The following MT1X variants were observed in gnomAD, a reference collection of about 807,000 sequenced individuals.
MT1X encodes metallothionein 1X.
MT1X carries 7 observed loss-of-function variants against 8.6 expected under a neutral mutation model. The ratio of observed to expected loss-of-function variants is 0.81; its 90% CI spans 0.46 to 1.52. The LOEUF is 1.52. MT1X is among the 40% of genes most tolerant of loss of function. The probability of loss-of-function intolerance (pLI) is 0.01; values close to 1 mark genes in which losing one functional copy is unlikely to be tolerated. For missense variants in MT1X, 72 were observed against 74.3 expected, an observed-to-expected ratio of 0.97 and a Z score of 0.11; for synonymous variants, 25 against 27.6, an observed-to-expected ratio of 0.91 and a Z score of 0.30.
At chr16:56,682,681 AT>A (rs1443060401) in intron 1 of MT1X, 113 bp downstream of exon 1, 1 of 1,315,198 alleles carries the variant, frequency 7.6e-7, no homozygotes, top group African/African-American at 1.5e-5. Flanking sequence ...GGGCTCCTTT[AT>A]TTCGTTAGGT....
chr16:56,682,631 C>T (rs1702305486), intron 1 of MT1X, 63 bp downstream of exon 1: 5 of 1,598,162 alleles, frequency 3.1e-6, no homozygotes, highest in Admixed American at 3.4e-5. Flanking sequence ...CAGACTCTTC[C>T]TGGGTTTGAA....
rs1320114446 is a variant in MT1X at position 56,683,241 on chromosome 16, G to T, written c.94+11G>T. On this transcript the variant is annotated intron_variant, in intron 2 of 2. Coordinates refer to ENST00000394485, the MANE Select transcript of MT1X (RefSeq NM_005952.4). ...CCTCCTGCAAGAAGAGTGAGTGCAGGGCCTTCCCTGCGAATCTGGGGGATG... is the reference window on the plus strand; with the variant it reads ...CCTCCTGCAAGAAGAGTGAGTGCAGTGCCTTCCCTGCGAATCTGGGGGATG... 6.2e-6 allele frequency: 10 copies of T among 1,613,658 alleles called. No homozygotes were observed. In the Admixed American group the frequency reaches 1.0e-4, roughly 16 times the overall value.
Position 56,684,019 on chromosome 16 carries a change from G to T in MT1X, c.156G>T (p.Gly52=). The part of the protein sequence containing the change: ...AKCAQGCICK[G]TSDKCSCCA ...GTGCCCAGGGCTGCATCTGCAAAGGGACGTCAGACAAGTGCAGCTGCTGTG... is the reference window on the plus strand; with the variant it reads ...GTGCCCAGGGCTGCATCTGCAAAGGTACGTCAGACAAGTGCAGCTGCTGTG... Residue 52 remains glycine (G), a synonymous_variant, in exon 3 of 3, where the codon GGG becomes GGT. Transcript: ENST00000394485. The T allele has an allele frequency of 6.2e-7, 1 of 1,614,168 alleles. No homozygotes were observed. The highest frequency in any genetic ancestry group is 8.5e-7 in the Non-Finnish European group (1 of 1,180,012).
chr16:56,682,871 G>T, intron 1 of MT1X: 1 of 591,306 alleles, frequency 1.7e-6, no homozygotes, highest in South Asian at 2.1e-5. Flanking sequence ...ATGGGAAGTG[G>T]GGGGCCATTG....
In MT1X at chr16:56,682,485, T is replaced by C; in HGVS notation, c.-56T>C. ...TCTGGGCTCCACCACGCTTTTCATC[T>C]GTCCCGCTGCGTGTTTTCCTCTTGA... On this transcript the variant is annotated 5_prime_UTR_variant, in exon 1 of 3. Coordinates refer to ENST00000394485, the MANE Select transcript of MT1X (RefSeq NM_005952.4). 6.2e-7 allele frequency: 1 copy of C among 1,607,742 alleles called. No individual in the cohort carries two copies. Among genetic ancestry groups the C allele is most frequent in the Non-Finnish European group, 8.5e-7 (1 of 1,174,260 alleles).
chr16:56,683,304 A>G (rs770746349), intron 2 of MT1X, 74 bp downstream of exon 2: 33 of 1,578,690 alleles, frequency 2.1e-5, no homozygotes, highest in Non-Finnish European at 2.8e-5. Flanking sequence ...CTCTGCAGGC[A>G]GGGGCAGGCC....
intron 2 of MT1X, chr16:56,683,592 A>C: frequency 2.5e-6 from 1 of 392,564 alleles, no homozygotes; most frequent in Non-Finnish European, 4.6e-6. Flanking sequence ...CCTTTCCTGC[A>C]GGGGTAGCCC....
intron 1 of MT1X, 165 bp from the exon 2 acceptor site, chr16:56,683,000 A>T: frequency 2.5e-6 from 2 of 801,378 alleles, no homozygotes; most frequent in Non-Finnish European, 2.0e-6. Flanking sequence ...CCTTCCCAAA[A>T]TGAAGGGAGA....
At chr16:56,682,751 G>C in intron 1 of MT1X, 183 bp downstream of exon 1, 1 of 751,320 alleles carries the variant, frequency 1.3e-6, no homozygotes, top group Non-Finnish European at 2.2e-6. Flanking sequence ...CTCTAAGTTA[G>C]AGTTGAGGGT....
chr16:56,683,887 A>T, intron 2 of MT1X, 71 bp from the exon 3 acceptor site: 1 of 1,601,702 alleles, frequency 6.2e-7, no homozygotes, highest in Non-Finnish European at 8.5e-7. Context: ...GGCTCGAGCC[A>T]GGCCTCTGTT....
chr16:56,682,757 A>C, intron 1 of MT1X, 189 bp downstream of exon 1: 1 of 708,688 alleles, frequency 1.4e-6, no homozygotes, highest in Non-Finnish European at 2.3e-6. Flanking sequence ...GTTAGAGTTG[A>C]GGGTACTGAG....
Position 56,683,195 on chromosome 16 carries a change from A to C in MT1X, c.59A>C (p.Lys20Thr). ...TCCTGTGCCTGTGCCGGCTCCTGCA[A>C]ATGCAAAGAGTGCAAATGCACCTCC... is the stretch of plus-strand genomic sequence containing the variant. ...VGSCACAGSC[K>T]CKECKCTSCK... The change falls in exon 2 of 3, where the codon AAA becomes ACA. Residue 20 changes from lysine (K) to threonine (T), a missense_variant. Transcript: ENST00000394485. 6.2e-7 allele frequency: 1 copy of C among 1,614,014 alleles called. No homozygotes were observed. Among genetic ancestry groups the C allele is most frequent in the African/African-American group, 1.3e-5 (1 of 75,044 alleles).
At chr16:56,683,789 T>C (rs757986141) in intron 2 of MT1X, 169 bp from the exon 3 acceptor site, 13 of 1,022,804 alleles carry the variant, frequency 1.3e-5, no homozygotes, top group Non-Finnish European at 1.7e-5. Context: ...AGCTTTTTCA[T>C]ATAAAACCCT....
Position 56,684,103 on chromosome 16 carries a change from A to ATT in MT1X, c.*73_*74dup, listed in dbSNP as rs34700091. The ATT allele has an allele frequency of 3.6e-3, 4,533 of 1,270,114 alleles. No individual in the cohort carries two copies. Among genetic ancestry groups the ATT allele is most frequent in the South Asian group, 9.9e-3 (636 of 64,406 alleles). 78.7% of individuals were successfully genotyped at this position (1,270,114 alleles called of 1,614,324 possible). ...AATAGAGCAACCTATATAAACCTGG[A>ATT]TTTTTTTTTTTTTTTTTTTTGTACA... On this transcript the variant is annotated 3_prime_UTR_variant, in exon 3 of 3. Coordinates refer to ENST00000394485, the MANE Select transcript of MT1X (RefSeq NM_005952.4).
chr16:56,682,486 G>T lies in MT1X; in HGVS notation c.-55G>T. ...CTGGGCTCCACCACGCTTTTCATCT[G>T]TCCCGCTGCGTGTTTTCCTCTTGAT... is the stretch of plus-strand genomic sequence containing the variant. On this transcript the variant is annotated 5_prime_UTR_variant, in exon 1 of 3. Transcript: ENST00000394485. 2 of 1,608,626 alleles carry T rather than the reference G, an allele frequency of 1.2e-6. No individual in the cohort carries two copies. Among genetic ancestry groups the T allele is most frequent in the Non-Finnish European group, 8.5e-7 (1 of 1,175,052 alleles).
rs778131587 is a variant in MT1X at position 56,684,188 on chromosome 16, T to C, written c.*139T>C. 18 of 1,053,788 alleles carry C rather than the reference T, an allele frequency of 1.7e-5. No individual in the cohort carries two copies. Among genetic ancestry groups the C allele is most frequent in the Non-Finnish European group, 2.4e-5 (18 of 754,246 alleles). The allele number at this position is 1,053,788 out of a possible 1,614,324, so 65.3% of individuals were successfully genotyped here. ...AAATATGTGAATGGCAATAAATTCA[T>C]CTAGACTATTCTGGCTCTGGGCACC... On this transcript the variant is annotated 3_prime_UTR_variant, in exon 3 of 3. Coordinates refer to ENST00000394485, the MANE Select transcript of MT1X (RefSeq NM_005952.4).
rs1961017066 is a variant in MT1X at position 56,682,810 on chromosome 16, G to T, written c.28+242G>T. The stretch of plus-strand genomic sequence containing the variant: ...TCCATGTCACCCAGTTGGTCAGGGG[G>T]CTGCTGGCTGAGCCCCAATGCTCTG... On this transcript the variant is annotated intron_variant, in intron 1 of 2. Transcript: ENST00000394485. 8 of 606,482 alleles carry T rather than the reference G, an allele frequency of 1.3e-5. No homozygotes were observed. The South Asian group carries it at 1.4e-4, about 11-fold the overall frequency. 37.6% of individuals were successfully genotyped at this position (606,482 alleles called of 1,614,324 possible).
rs1369808230 is a variant in MT1X at position 56,682,544 on chromosome 16, G to A, written c.4G>A (p.Asp2Asn). 1.9e-6 allele frequency: 3 copies of A among 1,614,058 alleles called. No homozygotes were observed. The highest frequency in any genetic ancestry group is 1.3e-5 in the African/African-American group (1 of 74,912). The part of the protein sequence containing the change: M[D>N]PNCSCSPVGS... ...TCCTGCTTCTCCTTGCCTCGAAATG[G>A]ACCCCAACTGCTCCTGCTCGCCTGG... Residue 2 changes from aspartate to asparagine, a missense_variant, in exon 1 of 3, where the codon GAC (aspartate) becomes AAC (asparagine). By Grantham distance (23) the Asp-to-Asn change is conservative. Transcript: ENST00000394485.
intron 2 of MT1X, 59 bp from the exon 3 acceptor site, chr16:56,683,899 G>A (rs1310405463): frequency 3.9e-5 from 63 of 1,609,776 alleles, no homozygotes; most frequent in Non-Finnish European, 4.2e-5. Flanking sequence ...GCCTCTGTTG[G>A]GGCAGGGAGG....
Sources: gnomAD v4.1 joint callset for allele counts on GRCh38, gnomAD v4.1.1 for gene constraint, MANE v1.5 for transcripts, NCBI Gene and HGNC (gene_info 2026-07-23, HGNC 2026-07-21) for gene names.